The following CIMIP7 variants were observed in gnomAD, a reference collection of about 807,000 sequenced individuals.
CIMIP7 encodes the protein uncharacterized protein C3orf84.
the CIMIP7 span, chr3:49,178,506 G>A: frequency 6.8e-6 from 11 of 1,613,572 alleles, no homozygotes; most frequent in South Asian, 3.3e-5. Flanking sequence ...TACGGTTGTC[G>A]TGCTTGGAGA....
chr3:49,180,929 CAAAAAAAAAA>C, the CIMIP7 span, among the ~76,000 whole-genome samples: 1 of 65,924 alleles, frequency 1.5e-5, no homozygotes, highest in South Asian at 6.8e-4. Flanking sequence ...GACTCCGTCT[CAAAAAAAAAA>C]AAAAAAAAAA....
At chr3:49,190,287 G>T in the CIMIP7 span, 1 of 596,330 alleles carries the variant, frequency 1.7e-6, no homozygotes, top group South Asian at 1.9e-5. Context: ...TAAGGAGTTA[G>T]GACACTCCTG....
chr3:49,186,748 ACG>A, the CIMIP7 span, among the ~76,000 whole-genome samples: 2 of 152,116 alleles, frequency 1.3e-5, no homozygotes, highest in African/African-American at 4.8e-5. Flanking sequence ...ACACACACGC[ACG>A]CACGCACGCA....
At chr3:49,185,137 T>C in the CIMIP7 span, among the ~76,000 whole-genome samples, 1 of 151,756 alleles carries the variant, frequency 6.6e-6, no homozygotes, top group Non-Finnish European at 1.5e-5. Context: ...GGTGCATGCC[T>C]GTAATCCCAG....
the CIMIP7 span, chr3:49,178,132 T>G: frequency 7.6e-7 from 1 of 1,308,450 alleles, no homozygotes; most frequent in Non-Finnish European, 1.0e-6. Flanking sequence ...CAAGTCTGCT[T>G]GGTGATACCT....
chr3:49,186,633 G>C, the CIMIP7 span, among the ~76,000 whole-genome samples: 2 of 151,956 alleles, frequency 1.3e-5, no homozygotes, highest in Admixed American at 6.6e-5. Context: ...TTGATCTCCT[G>C]ACCTCGTGAT....
chr3:49,183,661 A>T, the CIMIP7 span, among the ~76,000 whole-genome samples: 1 of 152,232 alleles, frequency 6.6e-6, no homozygotes, highest in Admixed American at 6.5e-5. Flanking sequence ...TCTCGAAAAC[A>T]AAACAAAACA....
At chr3:49,185,208 C>A in the CIMIP7 span, among the ~76,000 whole-genome samples, 1 of 150,144 alleles carries the variant, frequency 6.7e-6, no homozygotes, top group African/African-American at 2.5e-5. Context: ...TTGTGGTGAG[C>A]CGAGATCACG....
At chr3:49,191,711 C>T in the CIMIP7 span, 1 of 1,594,222 alleles carries the variant, frequency 6.3e-7, no homozygotes, top group Non-Finnish European at 8.5e-7. Context: ...ACCAGAGGGC[C>T]AGGGGCCAGG....
the CIMIP7 span, among the ~76,000 whole-genome samples, chr3:49,185,999 CTTTTTTTTTT>C: frequency 7.7e-6 from 1 of 129,264 alleles, no homozygotes; most frequent in Non-Finnish European, 1.7e-5. Context: ...TTTTATAGCT[CTTTTTTTTTT>C]TTTTTTTTGA....
chr3:49,177,740 G>A, the CIMIP7 span: 3 of 1,609,542 alleles, frequency 1.9e-6, no homozygotes, highest in Non-Finnish European at 2.5e-6. Flanking sequence ...GGGAGGTCAG[G>A]CAGTACGTCA....
chr3:49,177,971 C>T, the CIMIP7 span: 949 of 1,613,310 alleles, frequency 5.9e-4, 2 homozygotes, highest in Non-Finnish European at 7.7e-4. Flanking sequence ...TCACAGGGTG[C>T]CCAGCGCAGG....
At chr3:49,180,380 C>T in the CIMIP7 span, among the ~76,000 whole-genome samples, 1 of 152,188 alleles carries the variant, frequency 6.6e-6, no homozygotes, top group Non-Finnish European at 1.5e-5. Flanking sequence ...TCTTAGGCCT[C>T]CAGACTTCAG....
chr3:49,182,391 C>G, the CIMIP7 span, among the ~76,000 whole-genome samples: 127 of 152,284 alleles, frequency 8.3e-4, no homozygotes, highest in African/African-American at 3.0e-3. Flanking sequence ...AGAGTGTGGA[C>G]ACAAAGGTTC....
chr3:49,177,717 T>G, the CIMIP7 span: 1 of 1,609,988 alleles, frequency 6.2e-7, no homozygotes, highest in Non-Finnish European at 8.5e-7. Context: ...GCAGCTTGGG[T>G]CTTGGGATCC....
chr3:49,179,493 C>T, the CIMIP7 span, among the ~76,000 whole-genome samples: 1 of 152,156 alleles, frequency 6.6e-6, no homozygotes, highest in Non-Finnish European at 1.5e-5. Context: ...TGATATTGGT[C>T]CTTCTGTTAC....
chr3:49,188,964 ATT>A, the CIMIP7 span, among the ~76,000 whole-genome samples: 11 of 123,966 alleles, frequency 8.9e-5, no homozygotes, highest in Admixed American at 8.0e-5. Flanking sequence ...ATGCCCGGTT[ATT>A]TTTTTTTTTT....
chr3:49,183,095 A>G, the CIMIP7 span, among the ~76,000 whole-genome samples: 4 of 152,220 alleles, frequency 2.6e-5, no homozygotes, highest in Non-Finnish European at 4.4e-5. Flanking sequence ...GGGCTCCTCA[A>G]GTGCCCCAAA....
At chr3:49,189,995 A>AC in the CIMIP7 span, 1 of 1,547,020 alleles carries the variant, frequency 6.5e-7, no homozygotes. Context: ...TGGTCTAGTC[A>AC]CCCCCGCTGC....
Sources: allele counts gnomAD v4.1 joint callset (sites outside exome capture counted in the v4.1 genomes callset), GRCh38; gene constraint gnomAD v4.1.1; transcripts MANE v1.5; gene names NCBI Gene and HGNC (gene_info 2026-07-23, HGNC 2026-07-21).